Variants in AIG1 observed in about 807,000 individuals in gnomAD.
AIG1 encodes androgen-induced gene 1 protein.
AIG1 carries 23 observed loss-of-function variants against 31.4 expected under a neutral mutation model. The ratio of observed to expected loss-of-function variants is 0.73; its 90% confidence interval spans 0.53 to 1.04. The LOEUF (loss-of-function observed/expected upper bound fraction) is 1.04, where lower values mean the gene tolerates loss of function less well. AIG1 is among the 50% of genes least tolerant of loss of function. The pLI is 0.00. For missense variants in AIG1, 274 were observed against 295.0 expected (o/e 0.93, Z 0.52); for synonymous variants, 100 against 110.5 (o/e 0.90, Z 0.60).
At chr6:143,210,878 C>T (rs1791533844) in intron 3 of AIG1, among the ~76,000 whole-genome samples, 1 of 152,126 alleles carries the variant, frequency 6.6e-6, no homozygotes, top group Non-Finnish European at 1.5e-5. Flanking sequence ...AACATACAGC[C>T]TTCCACATAG....
At chr6:143,316,435 G>C (rs1320107201) in intron 4 of AIG1, among the ~76,000 whole-genome samples, 1 of 152,034 alleles carries the variant, frequency 6.6e-6, no homozygotes. Flanking sequence ...ATCCCTTCTA[G>C]CTTGTAAGGT....
chr6:143,334,480 T>C lies in AIG1; in HGVS notation c.679+1035T>C, dbSNP rs1777328047. ...TTGTATGTGTCAGGGTATTAGCCAATGTTAAATGGCGCAGAGGAATTTGAG... is the reference window on the plus strand; with the variant it reads ...TTGTATGTGTCAGGGTATTAGCCAACGTTAAATGGCGCAGAGGAATTTGAG... On this transcript the variant is annotated intron_variant, in intron 5 of 5. Transcript: ENST00000357847. The surrounding 1 kb of genome is among the most constrained non-coding windows in gnomAD (Gnocchi z 5.1). Among the ~76,000 whole-genome samples the C allele has an allele frequency of 6.6e-6, 1 of 152,222 alleles. No individual in the cohort carries two copies. Among genetic ancestry groups the C allele is most frequent in the Non-Finnish European group, 1.5e-5 (1 of 68,040 alleles).
rs1320052837 is a variant in AIG1 at position 143,061,152 on chromosome 6, G to T, written c.141+86G>T. On this transcript the variant is annotated intron_variant, in intron 1 of 5. Coordinates refer to ENST00000357847, the MANE Select transcript of AIG1 (RefSeq NM_016108.4). ...TGTGTGTGTGTGTGTGTGTGTGGAT[G>T]CGCGAGCACCTGCGCACGTGCGCGC... 30 of 1,488,154 alleles carry T rather than the reference G, an allele frequency of 2.0e-5. No individual in the cohort carries two copies. In the East Asian group the frequency reaches 6.8e-4, roughly 33 times the overall value. The allele number at this position is 1,488,154 out of a possible 1,614,324, so 92.2% of individuals were successfully genotyped here.
intron 1 of AIG1, among the ~76,000 whole-genome samples, chr6:143,073,346 C>A (rs191849012): frequency 6.6e-6 from 1 of 152,148 alleles, no homozygotes; most frequent in Non-Finnish European, 1.5e-5. Flanking sequence ...GTGCAGATAT[C>A]TTTGTGAGAT....
chr6:143,220,081 T>A (rs1792349590), intron 3 of AIG1, among the ~76,000 whole-genome samples: 1 of 152,128 alleles, frequency 6.6e-6, no homozygotes, highest in African/African-American at 2.4e-5. Context: ...GACACACCAA[T>A]CTAGCTTAGG....
intron 3 of AIG1, among the ~76,000 whole-genome samples, chr6:143,267,432 A>C (rs567803497): frequency 6.6e-6 from 1 of 152,336 alleles, no homozygotes; most frequent in Non-Finnish European, 1.5e-5. Flanking sequence ...AGCACAGCAC[A>C]CAGCTATTTT....
chr6:143,199,754 G>T (rs555228305), intron 3 of AIG1, among the ~76,000 whole-genome samples: 6 of 152,228 alleles, frequency 3.9e-5, no homozygotes, highest in African/African-American at 1.4e-4. Flanking sequence ...GTAAGATAAG[G>T]CCCCTCTCAA....
chr6:143,321,633 G>T (rs1468681631), intron 4 of AIG1, among the ~76,000 whole-genome samples: 3 of 152,040 alleles, frequency 2.0e-5, no homozygotes, highest in Non-Finnish European at 4.4e-5. Context: ...AGAAGGAACC[G>T]CTGAAAGGGT....
chr6:143,274,972 A>G (rs1323373351), intron 3 of AIG1, among the ~76,000 whole-genome samples: 3 of 152,242 alleles, frequency 2.0e-5, no homozygotes, highest in Admixed American at 1.3e-4. Context: ...TTGTTATTCC[A>G]TATTTCTGCA....
intron 3 of AIG1, among the ~76,000 whole-genome samples, chr6:143,263,283 T>TTTC (rs1795934371): frequency 6.6e-6 from 1 of 151,798 alleles, no homozygotes; most frequent in Admixed American, 6.6e-5. Context: ...TTGTTTTTTT[T>TTTC]TTTCTTTCTT....
chr6:143,264,496 A>G (rs1248810609), intron 3 of AIG1, among the ~76,000 whole-genome samples: 1 of 152,220 alleles, frequency 6.6e-6, no homozygotes, highest in Non-Finnish European at 1.5e-5. Context: ...GCTTGCAGGA[A>G]GCCCCACAGG....
At chr6:143,227,032 A>G (rs1413927088) in intron 3 of AIG1, among the ~76,000 whole-genome samples, 1 of 117,926 alleles carries the variant, frequency 8.5e-6, no homozygotes, top group African/African-American at 3.3e-5. Flanking sequence ...GTTAGTGTTT[A>G]GTATAGTTTA....
chr6:143,070,768 A>G (rs780848403), intron 1 of AIG1, among the ~76,000 whole-genome samples: 3 of 152,160 alleles, frequency 2.0e-5, no homozygotes, highest in Admixed American at 2.0e-4. Flanking sequence ...TGACTCAATC[A>G]CCTCTTAAAA....
Position 143,338,157 on chromosome 6 carries a change from C to T in AIG1, c.680-1482C>T. The T allele has an allele frequency of 2.5e-6, 1 of 396,700 alleles. No individual in the cohort carries two copies. Among genetic ancestry groups the T allele is most frequent in the Non-Finnish European group, 4.4e-6 (1 of 225,224 alleles). The allele number at this position is 396,700 out of a possible 1,614,324, so 24.6% of individuals were successfully genotyped here. A position where few individuals can be genotyped will look rare whatever the true frequency, so the allele number is the denominator to read the frequency against. On this transcript the variant is annotated intron_variant, in intron 5 of 5. Transcript: ENST00000357847. The surrounding 1 kb of genome is among the most constrained non-coding windows in gnomAD (Gnocchi z 4.3). ...GCAAACTGCTCTTAGCCCCTGATAG[C>T]TTCTCCACAGGAGAGGGAATATGGA...
intron 3 of AIG1, chr6:143,187,892 T>G (rs1789421333): frequency 7.3e-7 from 1 of 1,378,230 alleles, no homozygotes; most frequent in Admixed American, 3.2e-5. Context: ...AATTACCCCT[T>G]AATTTGGTGT....
intron 3 of AIG1, among the ~76,000 whole-genome samples, chr6:143,212,659 G>A (rs1791681380): frequency 1.3e-5 from 2 of 152,170 alleles, no homozygotes; most frequent in South Asian, 2.1e-4. Context: ...AAAACTCGGT[G>A]CCTCAGGGTG....
intron 2 of AIG1, among the ~76,000 whole-genome samples, chr6:143,143,534 T>A (rs1319150991): frequency 6.0e-4 from 62 of 102,974 alleles, no homozygotes; most frequent in East Asian, 3.0e-3. Context: ...AAAAAATATA[T>A]ATATATATAT....
At chr6:143,153,379 G>A (rs1173560714) in intron 2 of AIG1, among the ~76,000 whole-genome samples, 6 of 152,006 alleles carry the variant, frequency 3.9e-5, no homozygotes, top group South Asian at 2.1e-4. Context: ...ATGGAGTCTC[G>A]CTCTGTCACC....
chr6:143,074,058 T>C (rs569021204), intron 1 of AIG1, among the ~76,000 whole-genome samples: 2 of 152,376 alleles, frequency 1.3e-5, no homozygotes, highest in East Asian at 3.9e-4. Context: ...CAAATGTCTA[T>C]TCAAGTCTTT....
Sources: allele counts gnomAD v4.1 joint callset (sites outside exome capture counted in the v4.1 genomes callset), GRCh38; gene constraint gnomAD v4.1.1; non-coding constraint Gnocchi (gnomAD v3.1); transcripts MANE v1.5; gene names NCBI Gene and HGNC (gene_info 2026-07-23, HGNC 2026-07-21).